The following BANP variants were observed in gnomAD, a reference collection of about 807,000 sequenced individuals.
BANP encodes protein BANP.
Under a neutral mutation model 68.1 loss-of-function variants are expected in BANP, and 11 were observed. The observed-to-expected ratio is 0.16, with a 90% CI of 0.10 to 0.27. The LOEUF is 0.27. Among genes scored for constraint, BANP ranks in the 10% least tolerant of loss-of-function variants. The probability of loss-of-function intolerance (pLI) is 1.00; values close to 1 mark genes in which losing one functional copy is unlikely to be tolerated. For synonymous variants in BANP, 329 were observed against 303.2 expected, an observed-to-expected ratio of 1.09 and a Z score of -0.88; for missense variants, 504 against 722.7, an observed-to-expected ratio of 0.70 and a Z score of 3.47.
intron 7 of BANP, among the ~76,000 whole-genome samples, chr16:88,022,083 C>T (rs1264785874): frequency 1.3e-5 from 2 of 152,138 alleles, no homozygotes; most frequent in Non-Finnish European, 2.9e-5. Flanking sequence ...GGCAGCTAAC[C>T]AAATTTGTGT....
intron 8 of BANP, 66 bp downstream of exon 8, chr16:88,027,716 C>A (rs2077269703): frequency 6.3e-7 from 1 of 1,575,828 alleles, no homozygotes; most frequent in Non-Finnish European, 8.6e-7. Context: ...GTGGCACCCT[C>A]AGGGGCAGCC....
rs2072272710 is a variant in BANP, at chr16:88,009,244, T to A, written c.655+2979T>A. Among the ~76,000 whole-genome samples the A allele has an allele frequency of 2.0e-5, 3 of 152,176 alleles. No homozygotes were observed. The South Asian group carries it at 6.2e-4, about 32-fold the overall frequency. On this transcript the variant is annotated intron_variant, in intron 6 of 13. Coordinates refer to ENST00000682872, the MANE Select transcript of BANP (RefSeq NM_001386991.1). ...CTGGGCAGGTGGTGAATCAGCGAGT[T>A]TCTACGAGGGAAAGCATTAGGAATA...
intron 12 of BANP, among the ~76,000 whole-genome samples, chr16:88,069,873 A>C (rs1319240190): frequency 2.0e-5 from 3 of 151,970 alleles, no homozygotes; most frequent in African/African-American, 7.3e-5. Context: ...AATTATACTG[A>C]GTGTGCCTGC....
At chr16:87,963,148 C>T (rs1051892110) in intron 1 of BANP, among the ~76,000 whole-genome samples, 7 of 152,120 alleles carry the variant, frequency 4.6e-5, no homozygotes, top group East Asian at 1.9e-4. Context: ...AGTCTCCACA[C>T]AGAAGCCGTC....
chr16:87,951,258 G>C (rs1005809115), upstream of BANP, among the ~76,000 whole-genome samples: 4 of 152,196 alleles, frequency 2.6e-5, no homozygotes. Context: ...CTGGGAAGCC[G>C]GTACCGTCGC....
intron 11 of BANP, among the ~76,000 whole-genome samples, chr16:88,044,986 A>C (rs2081643001): frequency 6.6e-6 from 1 of 152,226 alleles, no homozygotes; most frequent in Non-Finnish European, 1.5e-5. Flanking sequence ...CGTCTCAAAA[A>C]AAAAAAATTT....
intron 11 of BANP, among the ~76,000 whole-genome samples, chr16:88,048,254 A>G (rs1056086764): frequency 9.2e-5 from 14 of 152,236 alleles, no homozygotes; most frequent in Admixed American, 9.2e-4. Flanking sequence ...GCCAACTAAA[A>G]ATAATTTTCC....
intron 7 of BANP, among the ~76,000 whole-genome samples, chr16:88,027,246 A>T (rs2077177087): frequency 1.3e-5 from 2 of 151,938 alleles, no homozygotes; most frequent in Non-Finnish European, 2.9e-5. Context: ...AAATGGAAAG[A>T]GTGTGTCATG....
At chr16:88,021,959 C>T (rs1424050851) in intron 7 of BANP, among the ~76,000 whole-genome samples, 1 of 152,088 alleles carries the variant, frequency 6.6e-6, no homozygotes, top group East Asian at 1.9e-4. Context: ...TCTCTAAGTA[C>T]CACCTTCTCA....
intron 4 of BANP, among the ~76,000 whole-genome samples, chr16:87,990,663 T>C (rs2065671833): frequency 6.6e-6 from 1 of 152,250 alleles, no homozygotes; most frequent in African/African-American, 2.4e-5. Flanking sequence ...TCTTTTCTTA[T>C]TTAATATTGA....
At chr16:88,042,539 C>A (rs141534606) in intron 11 of BANP, among the ~76,000 whole-genome samples, 355 of 152,324 alleles carry the variant, frequency 2.3e-3, no homozygotes, top group African/African-American at 7.9e-3. Context: ...GCTGTCGTGC[C>A]CCACTGTTCC....
intron 1 of BANP, chr16:87,956,633 C>T (rs1450719685): frequency 1.3e-5 from 2 of 152,230 alleles, no homozygotes; most frequent in African/African-American, 4.8e-5. Flanking sequence ...GGTACGTGGC[C>T]TTCCCAGCCT....
At chr16:88,056,207 G>T (rs920262740) in intron 11 of BANP, among the ~76,000 whole-genome samples, 1 of 152,248 alleles carries the variant, frequency 6.6e-6, no homozygotes, top group Non-Finnish European at 1.5e-5. Context: ...TGAGAGTGTG[G>T]AGTGGCTGTG....
intron 1 of BANP, among the ~76,000 whole-genome samples, chr16:87,962,660 C>T (rs955140100): frequency 2.0e-5 from 3 of 152,152 alleles, no homozygotes; most frequent in Admixed American, 6.5e-5. Context: ...CCCTTTCCCC[C>T]GCAAGCACAC....
At chr16:87,963,233 C>G (rs1033271080) in intron 1 of BANP, 1 of 152,276 alleles carries the variant, frequency 6.6e-6, no homozygotes, top group Non-Finnish European at 1.5e-5. Context: ...TGTCACTTTA[C>G]TGTCTCAAGC....
At chr16:87,975,892 CCT>C (rs1392897657) in intron 2 of BANP, among the ~76,000 whole-genome samples, 8 of 138,142 alleles carry the variant, frequency 5.8e-5, no homozygotes, top group African/African-American at 2.1e-4. Flanking sequence ...TGTGTAATCC[CCT>C]GTGTGTGGTG....
intron 7 of BANP, among the ~76,000 whole-genome samples, chr16:88,022,318 C>A (rs534057376): frequency 6.6e-6 from 1 of 152,170 alleles, no homozygotes; most frequent in Admixed American, 6.5e-5. Context: ...TGTCTAAGGC[C>A]GTGCCACCCT....
chr16:88,043,879 A>T (rs2081364939), intron 11 of BANP, among the ~76,000 whole-genome samples: 1 of 144,564 alleles, frequency 6.9e-6, no homozygotes, highest in South Asian at 2.3e-4. Context: ...AGATTCTGAA[A>T]AACAAAAAAA....
intron 1 of BANP, among the ~76,000 whole-genome samples, chr16:87,965,872 T>C (rs1199428636): frequency 1.3e-5 from 2 of 152,180 alleles, no homozygotes; most frequent in African/African-American, 4.8e-5. Flanking sequence ...ATAAGGCCTA[T>C]GGAAAGCTCA....
Sources: gnomAD v4.1 joint callset for allele counts (sites outside exome capture counted in the v4.1 genomes callset) on GRCh38, gnomAD v4.1.1 for gene constraint, MANE v1.5 for transcripts, NCBI Gene and HGNC (gene_info 2026-07-23, HGNC 2026-07-21) for gene names.